The following EIF2B3 variants were observed in gnomAD, a reference collection of about 807,000 sequenced individuals.
EIF2B3 encodes the protein eukaryotic translation initiation factor 2B subunit gamma, also known as translation initiation factor eIF2B subunit gamma.
EIF2B3 carries 20 observed loss-of-function variants against 54.1 expected under a neutral mutation model. The observed-to-expected ratio is 0.37, with a 90% confidence interval of 0.26 to 0.54. EIF2B3 has a LOEUF of 0.54. Ranked by LOEUF, EIF2B3 falls within the 20% of genes least tolerant of loss-of-function variation. The pLI is 0.86. For synonymous variants in EIF2B3, 153 were observed against 188.1 expected, an observed-to-expected ratio of 0.81 and a Z score of 1.52; for missense variants, 448 against 547.8, an observed-to-expected ratio of 0.82 and a Z score of 1.82.
intron 5 of EIF2B3, among the ~76,000 whole-genome samples, chr1:44,908,934 G>A (rs1643464558): frequency 6.6e-6 from 1 of 152,200 alleles, no homozygotes; most frequent in Non-Finnish European, 1.5e-5. Context: ...GGAGAATGGT[G>A]ATGGTAGAGA....
intron 6 of EIF2B3, among the ~76,000 whole-genome samples, chr1:44,892,630 T>A (rs1249034124): frequency 1.3e-5 from 2 of 151,998 alleles, no homozygotes; most frequent in Non-Finnish European, 2.9e-5. Flanking sequence ...TGTAATGAAT[T>A]CTAAATACGT....
At chr1:44,938,689 G>T (rs990536444) in intron 4 of EIF2B3, among the ~76,000 whole-genome samples, 4 of 151,956 alleles carry the variant, frequency 2.6e-5, no homozygotes, top group Non-Finnish European at 5.9e-5. Flanking sequence ...GTTTCACCAT[G>T]TTACCCAGAC....
rs893190309 is a variant in EIF2B3, at chr1:44,850,898, C to T, written c.*53G>A. 2.5e-6 allele frequency: 4 copies of T among 1,598,416 alleles called. No homozygotes were observed. The African/African-American group carries it at 4.0e-5, about 16-fold the overall frequency. On this transcript the variant is annotated 3_prime_UTR_variant, in exon 12 of 12. Coordinates refer to ENST00000360403, the MANE Select transcript of EIF2B3 (RefSeq NM_020365.5). ...ATACAGAGTTAAACAGGTGGGCCGGCCAACATCTGTGGCTTTGGAGGCCAA... is the reference window on the plus strand; with the variant it reads ...ATACAGAGTTAAACAGGTGGGCCGGTCAACATCTGTGGCTTTGGAGGCCAA...
chr1:44,968,896 CAAA>C (rs61693975), intron 3 of EIF2B3, among the ~76,000 whole-genome samples: 10 of 136,184 alleles, frequency 7.3e-5, no homozygotes, highest in Admixed American at 1.5e-4. Context: ...AACTCCATCT[CAAA>C]AAAAAAAAAA....
Position 44,958,847 on chromosome 1 carries a change from A to T in EIF2B3, c.295-17182T>A, listed in dbSNP as rs114732240. 2.7e-3 allele frequency: 2,581 copies of T among 945,070 alleles called. 53 individuals are homozygous for T. The African/African-American group carries it at 0.036, about 13-fold the overall frequency. 58.5% of individuals were successfully genotyped at this position (945,070 alleles called of 1,614,324 possible). A position where few individuals can be genotyped will look rare whatever the true frequency, so the allele number is the denominator to read the frequency against. On this transcript the variant is annotated intron_variant, in intron 3 of 11. Transcript: ENST00000360403. ...GCTCCTGAGCAGTGGGCTTCTGGAC[A>T]TATCAGGTACATCAGGAACATCTCT...
chr1:44,852,481 T>C (rs1654301673), intron 11 of EIF2B3, among the ~76,000 whole-genome samples: 1 of 152,058 alleles, frequency 6.6e-6, no homozygotes, highest in South Asian at 2.1e-4. Context: ...TCTACTTCAC[T>C]ATAAGAACAT....
At chr1:44,889,924 ACT>A (rs1309686268) in intron 6 of EIF2B3, among the ~76,000 whole-genome samples, 6 of 151,990 alleles carry the variant, frequency 3.9e-5, no homozygotes, top group African/African-American at 1.4e-4. Flanking sequence ...CTGGGAAAAA[ACT>A]CTGTTTTCCT....
At chr1:44,876,625 C>A (rs1366386452) in intron 8 of EIF2B3, among the ~76,000 whole-genome samples, 1 of 83,234 alleles carries the variant, frequency 1.2e-5, no homozygotes, top group Non-Finnish European at 2.2e-5. Flanking sequence ...GTGAGGGGCG[C>A]TTCTGCCTGG....
chr1:44,896,744 T>C lies in EIF2B3; in HGVS notation c.656+611A>G, dbSNP rs72885225. 6.9e-3 allele frequency among the ~76,000 whole-genome samples: 1,051 copies of C among 151,946 alleles called. 14 individuals are homozygous for C. Among genetic ancestry groups the C allele is most frequent in the African/African-American group, 0.024 (1,005 of 41,422 alleles). On this transcript the variant is annotated intron_variant, in intron 6 of 11. Coordinates refer to ENST00000360403, the MANE Select transcript of EIF2B3 (RefSeq NM_020365.5). ...TCCTTGAGATCAACTGCAAAAGGGG[T>C]TTTCTCTTTGAAAACTCAAGTCCGG...
intron 3 of EIF2B3, among the ~76,000 whole-genome samples, chr1:44,960,321 C>T (rs1324865591): frequency 3.3e-5 from 5 of 151,944 alleles, no homozygotes; most frequent in Non-Finnish European, 7.4e-5. Context: ...ATAAAAAATA[C>T]AAACTAAAAA....
In EIF2B3 at chr1:44,897,463, TAAAA is replaced by T. The variant is rs757522593; in HGVS notation, c.567-23_567-20del. The stretch of plus-strand genomic sequence containing the variant: ...AGGATGCCTGCAAAAAAATAAAAAA[TAAAA>T]GAAAGAAAGAAGAGGCTCACAATCA... On this transcript the variant is annotated intron_variant, in intron 5 of 11. Coordinates refer to ENST00000360403, the MANE Select transcript of EIF2B3 (RefSeq NM_020365.5). The T allele has an allele frequency of 3.8e-6, 6 of 1,575,180 alleles. No individual in the cohort carries two copies. The highest frequency in any genetic ancestry group is 1.8e-5 in the Admixed American group (1 of 57,140).
At chr1:44,879,604 G>A (rs1197149768) in intron 8 of EIF2B3, among the ~76,000 whole-genome samples, 2 of 152,182 alleles carry the variant, frequency 1.3e-5, no homozygotes, top group African/African-American at 4.8e-5. Context: ...TTTCCCTGGA[G>A]CCATAGAGGC....
intron 3 of EIF2B3, among the ~76,000 whole-genome samples, chr1:44,952,874 A>G (rs1315099289): frequency 1.3e-5 from 2 of 152,136 alleles, no homozygotes; most frequent in Admixed American, 6.6e-5. Flanking sequence ...ATTTAAGGGA[A>G]ACCCATCCAC....
Position 44,899,516 on chromosome 1 carries a change from C to A in EIF2B3, c.567-2072G>T, listed in dbSNP as rs554898762. Among the ~76,000 whole-genome samples, 23 of 152,266 alleles carry A rather than the reference C, an allele frequency of 1.5e-4. No homozygotes were observed. In the South Asian group the frequency reaches 4.8e-3, roughly 32 times the overall value. ...ACCCCATTAAAGGGTGGGCAAAGGA[C>A]ATAAACAGACACTTCTCAAAAGAAG... is the stretch of plus-strand genomic sequence containing the variant. On this transcript the variant is annotated intron_variant, in intron 5 of 11. Transcript: ENST00000360403.
chr1:44,927,144 A>T (rs1643863248), intron 4 of EIF2B3, among the ~76,000 whole-genome samples: 1 of 152,170 alleles, frequency 6.6e-6, no homozygotes, highest in African/African-American at 2.4e-5. Flanking sequence ...ATCTCAAAAA[A>T]AAAAAACAGG....
rs35864275 is a variant in EIF2B3 at position 44,981,942 on chromosome 1, C to CAAAA, written c.-9-769_-9-766dup. Among the ~76,000 whole-genome samples the CAAAA allele has an allele frequency of 2.9e-3, 226 of 78,698 alleles. 1 individual carries two copies. Among genetic ancestry groups the CAAAA allele is most frequent in the African/African-American group, 5.2e-3 (119 of 22,714 alleles). 51.6% of individuals were successfully genotyped at this position (78,698 alleles called of 152,430 possible). A position where few individuals can be genotyped will look rare whatever the true frequency, so the allele number is the denominator to read the frequency against. On this transcript the variant is annotated intron_variant, in intron 1 of 11. Coordinates refer to ENST00000360403, the MANE Select transcript of EIF2B3 (RefSeq NM_020365.5). ...TGTGTGACAGAGTGAGATCCTGTCT[C>CAAAA]AAAAAAAAAAAAAAAAAAAGAGAGA...
intron 2 of EIF2B3, 92 bp from the exon 3 acceptor site, chr1:44,978,552 G>A: frequency 1.5e-6 from 2 of 1,314,938 alleles, no homozygotes; most frequent in Non-Finnish European, 1.1e-6. Flanking sequence ...TCTATTTCTA[G>A]GTGTAATAAC....
In EIF2B3 at chr1:44,981,071, T is replaced by C. The variant is rs1425955684; in HGVS notation, c.98A>G (p.Lys33Arg). The change falls in exon 2 of 12, where the codon AAA becomes AGA. Residue 33 changes from lysine (K) to arginine (R), a missense_variant. By Grantham distance (26) the Lys-to-Arg change is conservative. Transcript: ENST00000360403. ...GTTCAATGGGTACCAAATTAAAGGT[T>C]TGTTCCCAACTGGAAGCAGAGGTTT... is the stretch of plus-strand genomic sequence containing the variant. Reference protein sequence around the residue: ...IPKPLLPVGNKPLIWYPLNLL... With the variant: ...IPKPLLPVGNRPLIWYPLNLL... 6.2e-7 allele frequency: 1 copy of C among 1,613,424 alleles called. No individual in the cohort carries two copies. Among genetic ancestry groups the C allele is most frequent in the Non-Finnish European group, 8.5e-7 (1 of 1,179,978 alleles).
chr1:44,945,538 C>T lies in EIF2B3; in HGVS notation c.295-3873G>A, dbSNP rs1644091403. Among the ~76,000 whole-genome samples the T allele has an allele frequency of 2.7e-5, 4 of 147,154 alleles. No homozygotes were observed. The South Asian group carries it at 6.5e-4, about 24-fold the overall frequency. Reference sequence around the variant, plus strand: ...CACTGCACTCCAGCCTGGGTAACAGCGCAAGACTCCGTCTCAAAAAAAAAA... The same window carrying T: ...CACTGCACTCCAGCCTGGGTAACAGTGCAAGACTCCGTCTCAAAAAAAAAA... On this transcript the variant is annotated intron_variant, in intron 3 of 11. Coordinates refer to ENST00000360403, the MANE Select transcript of EIF2B3 (RefSeq NM_020365.5).
Sources: gnomAD v4.1 joint callset for allele counts (sites outside exome capture counted in the v4.1 genomes callset) on GRCh38, gnomAD v4.1.1 for gene constraint, MANE v1.5 for transcripts, NCBI Gene and HGNC (gene_info 2026-07-23, HGNC 2026-07-21) for gene names.